The following NCAM2 variants were observed in gnomAD, a reference collection of about 807,000 sequenced individuals.
NCAM2 encodes N-CAM-2.
NCAM2 carries 30 observed loss-of-function variants against 98.1 expected under a neutral mutation model. The observed-to-expected ratio is 0.31, with a 90% confidence interval of 0.23 to 0.41. The LOEUF (loss-of-function observed/expected upper bound fraction) is 0.41, where lower values mean the gene tolerates loss of function less well. NCAM2 is among the 10% of genes least tolerant of loss of function. NCAM2 has a pLI of 1.00. For synonymous variants in NCAM2, 368 were observed against 342.4 expected, an observed-to-expected ratio of 1.07 and a Z score of -0.83; for missense variants, 867 against 1,005.8, an observed-to-expected ratio of 0.86 and a Z score of 1.87.
rs941921598 is a variant in NCAM2 at position 21,480,381 on chromosome 21, A to T, written c.2077+2910A>T. On this transcript the variant is annotated intron_variant, in intron 15 of 17. Transcript: ENST00000400546. The stretch of plus-strand genomic sequence containing the variant: ...GACTCCATCTCAAAAAAAAAAAAAA[A>T]AAAAAAGAATAACTGCAACTAAGAG... Among the ~76,000 whole-genome samples the T allele has an allele frequency of 9.3e-5, 14 of 151,268 alleles. No individual in the cohort carries two copies. In the South Asian group the frequency reaches 2.9e-3, roughly 31 times the overall value.
chr21:21,254,833 A>G (rs1005186430), intron 1 of NCAM2, among the ~76,000 whole-genome samples: 1 of 152,142 alleles, frequency 6.6e-6, no homozygotes, highest in Non-Finnish European at 1.5e-5. Flanking sequence ...ATGGCACAAC[A>G]GATGTGAATA....
At chr21:21,331,787 A>G (rs2074716403) in intron 6 of NCAM2, among the ~76,000 whole-genome samples, 1 of 148,728 alleles carries the variant, frequency 6.7e-6, no homozygotes. Context: ...GGGTTTTGGT[A>G]TGTTGGCCAG....
intron 1 of NCAM2, among the ~76,000 whole-genome samples, chr21:21,033,708 G>A (rs190691440): frequency 1.5e-3 from 232 of 152,248 alleles, no homozygotes; most frequent in African/African-American, 5.2e-3. Flanking sequence ...TCTCAGAGCT[G>A]CCCTCAGAAA....
chr21:21,478,179 A>G (rs537486111), intron 15 of NCAM2, among the ~76,000 whole-genome samples: 1 of 152,136 alleles, frequency 6.6e-6, no homozygotes, highest in Non-Finnish European at 1.5e-5. Flanking sequence ...CTGACTCAAA[A>G]TAACATTTAA....
At chr21:21,469,587 T>C (rs1984167020) in intron 14 of NCAM2, among the ~76,000 whole-genome samples, 1 of 152,130 alleles carries the variant, frequency 6.6e-6, no homozygotes, top group African/African-American at 2.4e-5. Flanking sequence ...GCTATCCAAA[T>C]TAATTATATT....
intron 1 of NCAM2, among the ~76,000 whole-genome samples, chr21:21,265,312 C>CATACATA (rs2072194167): frequency 8.1e-6 from 1 of 123,156 alleles, no homozygotes; most frequent in Admixed American, 8.6e-5. Context: ...TATACATACA[C>CATACATA]GTATATATAC....
intron 1 of NCAM2, among the ~76,000 whole-genome samples, chr21:21,069,836 C>G (rs891525240): frequency 4.6e-5 from 7 of 152,150 alleles, no homozygotes; most frequent in African/African-American, 1.7e-4. Flanking sequence ...TTTAAGCATT[C>G]AACTGCAGTG....
At chr21:21,361,613 G>A (rs952569756) in intron 8 of NCAM2, among the ~76,000 whole-genome samples, 6 of 151,780 alleles carry the variant, frequency 4.0e-5, no homozygotes, top group East Asian at 1.9e-4. Flanking sequence ...CTAGTCTTAC[G>A]GCTTTAATGA....
chr21:21,030,205 A>G (rs1373353562), intron 1 of NCAM2, among the ~76,000 whole-genome samples: 1 of 152,186 alleles, frequency 6.6e-6, no homozygotes, highest in Non-Finnish European at 1.5e-5. Context: ...AAGCCTAAAC[A>G]TAATCTTTTA....
chr21:21,137,240 T>G (rs1383139064), intron 1 of NCAM2, among the ~76,000 whole-genome samples: 1 of 152,206 alleles, frequency 6.6e-6, no homozygotes, highest in Admixed American at 6.5e-5. Context: ...ACACTGCCAT[T>G]ATTATACTAA....
intron 1 of NCAM2, among the ~76,000 whole-genome samples, chr21:21,095,008 G>A (rs1445270308): frequency 6.6e-6 from 1 of 151,682 alleles, no homozygotes; most frequent in Non-Finnish European, 1.5e-5. Flanking sequence ...TCTATATATA[G>A]ATTAGTTAAT....
chr21:21,015,865 G>A (rs1040814065), intron 1 of NCAM2, among the ~76,000 whole-genome samples: 1 of 151,688 alleles, frequency 6.6e-6, no homozygotes, highest in Admixed American at 6.6e-5. Context: ...CACCATGCCT[G>A]GCTAATTTTT....
chr21:21,400,941 T>C (rs1001215668), intron 9 of NCAM2, among the ~76,000 whole-genome samples: 3 of 152,162 alleles, frequency 2.0e-5, no homozygotes, highest in Non-Finnish European at 2.9e-5. Context: ...CCCAGGGTAA[T>C]TTTAAAGAAA....
At chr21:21,367,770 A>T (rs1184749553) in intron 8 of NCAM2, among the ~76,000 whole-genome samples, 1 of 151,972 alleles carries the variant, frequency 6.6e-6, no homozygotes. Context: ...CATACCCATT[A>T]TACAGAAAAG....
At chr21:21,429,994 A>C (rs2084880811) in intron 11 of NCAM2, among the ~76,000 whole-genome samples, 2 of 152,036 alleles carry the variant, frequency 1.3e-5, no homozygotes. Flanking sequence ...AAAAGAGTAC[A>C]TTTGACTTTT....
At chr21:21,226,227 A>G (rs2147158571) in intron 1 of NCAM2, among the ~76,000 whole-genome samples, 1 of 152,196 alleles carries the variant, frequency 6.6e-6, no homozygotes, top group Admixed American at 6.6e-5. Flanking sequence ...CTGGGACGAC[A>G]GGATTATTAG....
At chr21:21,501,403 C>T (rs1159604223) in intron 15 of NCAM2, among the ~76,000 whole-genome samples, 3 of 151,788 alleles carry the variant, frequency 2.0e-5, no homozygotes, top group African/African-American at 7.3e-5. Flanking sequence ...TCCATTAGCT[C>T]CTTTGTCGTG....
At chr21:21,327,276 C>T (rs1328013253) in intron 6 of NCAM2, among the ~76,000 whole-genome samples, 7 of 138,546 alleles carry the variant, frequency 5.1e-5, no homozygotes, top group East Asian at 2.3e-4. Context: ...CCACTACACT[C>T]CAGCCAGGCA....
intron 1 of NCAM2, among the ~76,000 whole-genome samples, chr21:21,179,316 A>G (rs1179916383): frequency 6.6e-6 from 1 of 152,146 alleles, no homozygotes; most frequent in East Asian, 1.9e-4. Context: ...TATTAAATTA[A>G]TATTTTCTGA....
Sources: allele counts gnomAD v4.1 joint callset (sites outside exome capture counted in the v4.1 genomes callset), GRCh38; gene constraint gnomAD v4.1.1; transcripts MANE v1.5; gene names NCBI Gene and HGNC (gene_info 2026-07-23, HGNC 2026-07-21).